The following NFX1 variants were observed in gnomAD, a reference collection of about 807,000 sequenced individuals.
NFX1 encodes the protein nuclear transcription factor, X-box binding 1, also known as transcriptional repressor NF-X1.
In NFX1, 69 loss-of-function variants were observed where a neutral mutation model predicts 137.2. That is an observed-to-expected ratio of 0.50 (90% confidence interval 0.41 to 0.61). The LOEUF is 0.61. Among genes scored for constraint, NFX1 ranks in the 20% least tolerant of loss-of-function variants. NFX1 has a pLI of 0.00. For synonymous variants in NFX1, 495 were observed against 474.1 expected (o/e 1.04, Z -0.57); for missense variants, 1,167 against 1,391.0 (o/e 0.84, Z 2.56).
chr9:33,307,154 G>T, intron 4 of NFX1, 40 bp from the exon 5 acceptor site: 1 of 1,526,754 alleles, frequency 6.5e-7, no homozygotes, highest in South Asian at 1.1e-5. Flanking sequence ...GAATGTGGTT[G>T]AAGTTTGTAC....
At chr9:33,334,934 C>G (rs1010883219) in intron 11 of NFX1, among the ~76,000 whole-genome samples, 2 of 152,196 alleles carry the variant, frequency 1.3e-5, no homozygotes, top group Non-Finnish European at 2.9e-5. Context: ...AATGAATCCC[C>G]ACGTACCTAT....
chr9:33,344,354 T>A (rs894250033), intron 14 of NFX1, among the ~76,000 whole-genome samples, 166 bp downstream of exon 14: 6 of 152,142 alleles, frequency 3.9e-5, no homozygotes, highest in Non-Finnish European at 8.8e-5. Context: ...GGGCCACAGC[T>A]TGGAATCACA....
chr9:33,352,653 T>C lies in NFX1; in HGVS notation c.2663T>C (p.Leu888Pro). Residue 888 changes from leucine to proline, a missense_variant, in exon 17 of 24, where the codon CTA becomes CCA. Coordinates refer to ENST00000379540, the MANE Select transcript of NFX1 (RefSeq NM_002504.6). ...PVTACKAKVE[L>P]QCECGRRKEM... The stretch of plus-strand genomic sequence containing the variant: ...ATGTTCATCTGACTTCAGGTAGAGC[T>C]ACAGTGTGAATGTGGACGAAGAAAA... 1 of 1,614,152 alleles carries C rather than the reference T, an allele frequency of 6.2e-7. No individual in the cohort carries two copies. Among genetic ancestry groups the C allele is most frequent in the Non-Finnish European group, 8.5e-7 (1 of 1,179,960 alleles).
intron 3 of NFX1, among the ~76,000 whole-genome samples, chr9:33,302,695 A>C (rs1413783596): frequency 4.8e-5 from 7 of 147,104 alleles, no homozygotes; most frequent in African/African-American, 1.8e-4. Flanking sequence ...TTTGAGAGGG[A>C]GTCTCACTCT....
At chr9:33,291,793 C>T (rs771496605) in intron 1 of NFX1, among the ~76,000 whole-genome samples, 2 of 152,218 alleles carry the variant, frequency 1.3e-5, no homozygotes, top group African/African-American at 4.8e-5. Flanking sequence ...GTCCCAGCTA[C>T]TCCGGAGGCT....
In NFX1 at chr9:33,345,023, A is replaced by G. The variant is rs187772780; in HGVS notation, c.2344+835A>G. On this transcript the variant is annotated intron_variant, in intron 14 of 23. Transcript: ENST00000379540. The stretch of plus-strand genomic sequence containing the variant: ...CTAAAAATACAAAAGTTAGCCAGGC[A>G]TTGTGGCGGGCACCTGTAATCTCAG... 5.7e-3 allele frequency among the ~76,000 whole-genome samples: 863 copies of G among 151,582 alleles called. 3 individuals are homozygous for G. The highest frequency in any genetic ancestry group is 0.01 in the Non-Finnish European group (681 of 67,916).
In NFX1 at chr9:33,313,734, A is replaced by G. The variant is rs762288470; in HGVS notation, c.1529A>G (p.Gln510Arg). The change falls in exon 7 of 24, where the codon CAG becomes CGG. Residue 510 changes from glutamine (Q) to arginine (R), a missense_variant. Coordinates refer to ENST00000379540, the MANE Select transcript of NFX1 (RefSeq NM_002504.6). Reference sequence around the variant, plus strand: ...AATATTTTGAACTGTGGTCAGCACCAGTGTGCTGAGCTGTGCCATGGGGGT... The same window carrying G: ...AATATTTTGAACTGTGGTCAGCACCGGTGTGCTGAGCTGTGCCATGGGGGT... ...CENILNCGQHQCAELCHGGQC... is the reference protein window; with the variant it reads ...CENILNCGQHRCAELCHGGQC... 1.2e-5 allele frequency: 19 copies of G among 1,613,382 alleles called. No individual in the cohort carries two copies. The highest frequency in any genetic ancestry group is 1.4e-5 in the Non-Finnish European group (16 of 1,179,362).
At chr9:33,321,643 AG>A (rs769656277) in intron 9 of NFX1, among the ~76,000 whole-genome samples, 1 of 152,202 alleles carries the variant, frequency 6.6e-6, no homozygotes, top group Non-Finnish European at 1.5e-5. Flanking sequence ...TGGGAGGCCA[AG>A]GTGGGAGAAC....
chr9:33,324,514 G>A (rs1822505647), intron 9 of NFX1, among the ~76,000 whole-genome samples: 1 of 152,186 alleles, frequency 6.6e-6, no homozygotes, highest in African/African-American at 2.4e-5. Flanking sequence ...TCATGCCACT[G>A]CGCTTCAGGT....
chr9:33,352,024 C>G, intron 16 of NFX1: 1 of 492,246 alleles, frequency 2.0e-6, no homozygotes, highest in South Asian at 3.5e-5. Context: ...CTGTGTCTCC[C>G]TTGGGTGAGA....
intron 23 of NFX1, among the ~76,000 whole-genome samples, chr9:33,369,666 T>C (rs1824271001): frequency 6.6e-6 from 1 of 152,128 alleles, no homozygotes; most frequent in South Asian, 2.1e-4. Context: ...AAAGTGTAAA[T>C]AGAGAATTTG....
At chr9:33,356,869 T>C (rs2118660755) in intron 19 of NFX1, among the ~76,000 whole-genome samples, 1 of 151,922 alleles carries the variant, frequency 6.6e-6, no homozygotes, top group Middle Eastern at 3.5e-3. Flanking sequence ...TGCACACCTG[T>C]AGTCCCAGCT....
chr9:33,359,754 T>A (rs1823932206), intron 19 of NFX1, among the ~76,000 whole-genome samples: 1 of 152,234 alleles, frequency 6.6e-6, no homozygotes, highest in South Asian at 2.1e-4. Flanking sequence ...ACTTTCTGAT[T>A]CTAGCAAAGA....
intron 22 of NFX1, 142 bp downstream of exon 22, chr9:33,366,916 C>A: frequency 8.9e-7 from 1 of 1,122,950 alleles, no homozygotes; most frequent in Non-Finnish European, 1.2e-6. Flanking sequence ...TCTGGCACTT[C>A]CCAGATAATC....
chr9:33,329,550 G>T (rs1453010134), intron 10 of NFX1, among the ~76,000 whole-genome samples: 1 of 152,106 alleles, frequency 6.6e-6, no homozygotes, highest in Non-Finnish European at 1.5e-5. Context: ...AAGCACAAAG[G>T]CCAGACTCTC....
chr9:33,354,393 G>A (rs1022839425), intron 18 of NFX1, among the ~76,000 whole-genome samples: 8 of 152,140 alleles, frequency 5.3e-5, no homozygotes, highest in African/African-American at 1.9e-4. Flanking sequence ...ACTTTTCCAG[G>A]CCTCACAGTA....
intron 4 of NFX1, among the ~76,000 whole-genome samples, chr9:33,306,525 G>C (rs1821758164): frequency 6.6e-6 from 1 of 152,180 alleles, no homozygotes; most frequent in African/African-American, 2.4e-5. Context: ...ATAGTATAGA[G>C]AGAAAAGCAG....
At chr9:33,361,178 T>C (rs999847427) in intron 19 of NFX1, among the ~76,000 whole-genome samples, 1 of 152,064 alleles carries the variant, frequency 6.6e-6, no homozygotes, top group Non-Finnish European at 1.5e-5. Flanking sequence ...AAATGGGAAA[T>C]GATTAAAATA....
intron 2 of NFX1, 91 bp from the exon 3 acceptor site, chr9:33,301,172 T>C: frequency 8.5e-7 from 1 of 1,180,760 alleles, no homozygotes; most frequent in Non-Finnish European, 1.2e-6. Flanking sequence ...GATTCTTCTC[T>C]TGAGTGACTT....
Sources: allele counts gnomAD v4.1 joint callset (sites outside exome capture counted in the v4.1 genomes callset), GRCh38; gene constraint gnomAD v4.1.1; transcripts MANE v1.5; gene names NCBI Gene and HGNC (gene_info 2026-07-23, HGNC 2026-07-21).